CD1D: variants seen among roughly 807,000 people sequenced by gnomAD.
CD1D encodes the protein CD1d molecule, also known as antigen-presenting glycoprotein CD1d.
A neutral mutation model predicts 42.1 loss-of-function variants in CD1D; 40 were observed. The observed-to-expected ratio is 0.95, with a 90% confidence interval of 0.74 to 1.24. The LOEUF (loss-of-function observed/expected upper bound fraction) is 1.24. Among genes scored for constraint, CD1D ranks in the 50% most tolerant of loss-of-function variants. The pLI is 0.00. For synonymous variants in CD1D, 178 were observed against 171.8 expected (o/e 1.04, Z -0.28); for missense variants, 437 against 416.5 (o/e 1.05, Z -0.43).
chr1:158,181,780 C>T, intron 2 of CD1D, 59 bp downstream of exon 2: 5 of 1,584,872 alleles, frequency 3.2e-6, no homozygotes, highest in Non-Finnish European at 4.3e-6. Flanking sequence ...GCCACAGAAA[C>T]TCAACTGGGA....
intron 2 of CD1D, 110 bp downstream of exon 2, chr1:158,181,831 C>T: frequency 1.4e-6 from 2 of 1,440,178 alleles, no homozygotes; most frequent in Non-Finnish European, 1.9e-6. Flanking sequence ...CTCTGTCCAC[C>T]CTCTTCTGAT....
chr1:158,184,511 A>G lies in CD1D; in HGVS notation c.*361A>G. 4.3e-6 allele frequency: 1 copy of G among 233,932 alleles called. No individual in the cohort carries two copies. The allele number at this position is 233,932 out of a possible 1,614,324, so 14.5% of individuals were successfully genotyped here. A position where few individuals can be genotyped will look rare whatever the true frequency, so the allele number is the denominator to read the frequency against. ...TAAGGAACTGGAACACACATGTCCT[A>G]TCCAAAGGAATCAGCTGCAGCTGCT... On this transcript the variant is annotated 3_prime_UTR_variant, in exon 6 of 6. Coordinates refer to ENST00000674085, the MANE Select transcript of CD1D (RefSeq NM_001371762.2).
chr1:158,179,755 G>A (rs1173150151), upstream of CD1D, among the ~76,000 whole-genome samples: 12 of 152,140 alleles, frequency 7.9e-5, no homozygotes. Flanking sequence ...TGAGGAGAAG[G>A]TCAAGAGCTT....
chr1:158,184,712 T>C lies in CD1D; in HGVS notation c.*562T>C, dbSNP rs1174423142. ...CTGACTGATGACAAACCCAGGAGTT[T>C]GTGTGTCTTTTATAAAAAGTTTGCC... On this transcript the variant is annotated 3_prime_UTR_variant, in exon 6 of 6. Coordinates refer to ENST00000674085, the MANE Select transcript of CD1D (RefSeq NM_001371762.2). 1 of 152,470 alleles carries C rather than the reference T, an allele frequency of 6.6e-6. No individual in the cohort carries two copies. 9.4% of individuals were successfully genotyped at this position (152,470 alleles called of 1,614,324 possible).
intron 1 of CD1D, 29 bp downstream of exon 1, chr1:158,181,191 C>T: frequency 1.3e-6 from 2 of 1,547,848 alleles, no homozygotes; most frequent in Non-Finnish European, 1.7e-6. Context: ...CTTGAGTGCA[C>T]TCGCGGGAGG....
intron 3 of CD1D, 58 bp from the exon 4 acceptor site, chr1:158,182,820 G>GA: frequency 6.5e-7 from 1 of 1,528,512 alleles, no homozygotes; most frequent in South Asian, 1.3e-5. Context: ...ATGAGGCCTG[G>GA]AGCCTCTAAT....
intron 4 of CD1D, 85 bp downstream of exon 4, chr1:158,183,241 A>G: frequency 1.3e-6 from 2 of 1,492,210 alleles, no homozygotes; most frequent in Non-Finnish European, 1.8e-6. Context: ...ATGTGGCTTG[A>G]TATACCCAGG....
chr1:158,181,694 GAATTCGCCA>G lies in CD1D; in HGVS notation c.304_312del (p.Phe102_Lys104del). 4 of 1,611,772 alleles carry G rather than the reference GAATTCGCCA, an allele frequency of 2.5e-6. No individual in the cohort carries two copies. The highest frequency in any genetic ancestry group is 3.4e-6 in the Non-Finnish European group (4 of 1,180,020). On this transcript the variant is annotated inframe_deletion, in exon 2 of 6. Coordinates refer to ENST00000674085, the MANE Select transcript of CD1D (RefSeq NM_001371762.2). ...AAGCAGCTTCACCAGGGACGTGAAG[GAATTCGCCA>G]AAATGCTACGCTTATCCTGTGAGCT...
intron 1 of CD1D, 99 bp downstream of exon 1, chr1:158,181,261 C>T: frequency 1.4e-6 from 2 of 1,462,134 alleles, no homozygotes; most frequent in South Asian, 2.5e-5. Context: ...ACTGGTGAGA[C>T]CCGGGACGCA....
chr1:158,181,098 C>G lies in CD1D; in HGVS notation c.-4C>G, dbSNP rs1419878823. 1.3e-6 allele frequency: 2 copies of G among 1,545,698 alleles called. No individual in the cohort carries two copies. The highest frequency in any genetic ancestry group is 2.0e-5 in the Admixed American group (1 of 50,528). ...CGCTCCGCGAGGTCCCCACGCCGGG[C>G]GATATGGGGTGCCTGCTGTTTCTGC... On this transcript the variant is annotated 5_prime_UTR_variant, in exon 1 of 6. Transcript: ENST00000674085.
In CD1D at chr1:158,185,055, A is replaced by T. The variant is rs888162852; in HGVS notation, c.*905A>T. Among the ~76,000 whole-genome samples, 1 of 152,192 alleles carries T rather than the reference A, an allele frequency of 6.6e-6. No individual in the cohort carries two copies. The highest frequency in any genetic ancestry group is 1.5e-5 in the Non-Finnish European group (1 of 68,038). ...ACAGTCTCCTTTACTTACAGCTATT[A>T]AAAGAGACAATGTAGGGAAAGGGCC... On this transcript the variant is annotated 3_prime_UTR_variant, in exon 6 of 6. Transcript: ENST00000674085.
chr1:158,183,816 T>C, intron 4 of CD1D, 120 bp from the exon 5 acceptor site: 2 of 773,758 alleles, frequency 2.6e-6, no homozygotes, highest in Non-Finnish European at 4.4e-6. Context: ...GAAATTGGGG[T>C]TTTAAGTGGA....
rs766901453 is a variant in CD1D, at chr1:158,184,438, C to G, written c.*288C>G. 6 of 490,112 alleles carry G rather than the reference C, an allele frequency of 1.2e-5. No homozygotes were observed. Among genetic ancestry groups the G allele is most frequent in the Non-Finnish European group, 2.2e-5 (6 of 273,016 alleles). 30.4% of individuals were successfully genotyped at this position (490,112 alleles called of 1,614,324 possible). On this transcript the variant is annotated 3_prime_UTR_variant, in exon 6 of 6. Transcript: ENST00000674085. Reference sequence around the variant, plus strand: ...TGCAAACTTGTATCTGAAGACCTACCAGGGACAAGCAGGTAAGAGCTGATG... The same window carrying G: ...TGCAAACTTGTATCTGAAGACCTACGAGGGACAAGCAGGTAAGAGCTGATG...
intron 4 of CD1D, 47 bp from the exon 5 acceptor site, chr1:158,183,889 A>T: frequency 1.4e-6 from 2 of 1,430,428 alleles, no homozygotes; most frequent in Non-Finnish European, 2.0e-6. Flanking sequence ...GGATATATGT[A>T]GAGAGGGGTC....
Position 158,186,330 on chromosome 1 carries a change from C to T in CD1D, c.*2180C>T, listed in dbSNP as rs1571071489. Among the ~76,000 whole-genome samples, 1 of 152,114 alleles carries T rather than the reference C, an allele frequency of 6.6e-6. No individual in the cohort carries two copies. The highest frequency in any genetic ancestry group is 6.5e-5 in the Admixed American group (1 of 15,278). Reference sequence around the variant, plus strand: ...CGTGTGTTAAAGTCTCTACTGATGTCCTTTTGGAAATGCCTCTGCATGAAT... The same window carrying T: ...CGTGTGTTAAAGTCTCTACTGATGTTCTTTTGGAAATGCCTCTGCATGAAT... On this transcript the variant is annotated 3_prime_UTR_variant, in exon 6 of 6. Coordinates refer to ENST00000674085, the MANE Select transcript of CD1D (RefSeq NM_001371762.2).
upstream of CD1D, among the ~76,000 whole-genome samples, chr1:158,180,371 C>T (rs112894693): frequency 9.2e-5 from 14 of 151,918 alleles, no homozygotes; most frequent in African/African-American, 2.4e-4. Context: ...AGTCTGGGGG[C>T]GCGTCCCCAA....
rs754650454 is a variant in CD1D at position 158,183,049 on chromosome 1, C to T, written c.779C>T (p.Thr260Ile). The stretch of plus-strand genomic sequence containing the variant: ...GACATCCTGCCCAATGCTGACGAGA[C>T]ATGGTATCTCCGAGCAACCCTGGAT... ...PGDILPNADE[T>I]WYLRATLDVV... Residue 260 changes from threonine (T) to isoleucine (I), a missense_variant, in exon 4 of 6, where the codon ACA becomes ATA. Transcript: ENST00000674085. 13 of 1,614,042 alleles carry T rather than the reference C, an allele frequency of 8.1e-6. No individual in the cohort carries two copies. Among genetic ancestry groups the T allele is most frequent in the Non-Finnish European group, 8.5e-7 (1 of 1,180,018 alleles).
upstream of CD1D, among the ~76,000 whole-genome samples, chr1:158,178,939 A>G (rs1392685668): frequency 6.6e-6 from 1 of 152,242 alleles, no homozygotes; most frequent in South Asian, 2.1e-4. Flanking sequence ...AAATATCCGT[A>G]TAATTCCAGA....
intron 1 of CD1D, 33 bp from the exon 2 acceptor site, chr1:158,181,422 T>C (rs898705534): frequency 1.9e-6 from 3 of 1,607,278 alleles, no homozygotes; most frequent in Middle Eastern, 1.8e-4. Flanking sequence ...CCCGGCCACT[T>C]GCTACACGCC....
Sources: allele counts gnomAD v4.1 joint callset (sites outside exome capture counted in the v4.1 genomes callset), GRCh38; gene constraint gnomAD v4.1.1; transcripts MANE v1.5; gene names NCBI Gene and HGNC (gene_info 2026-07-23, HGNC 2026-07-21).